The following TSPAN5 variants were observed in gnomAD, a reference collection of about 807,000 sequenced individuals.
TSPAN5 encodes tetraspanin-5.
In TSPAN5, 10 loss-of-function variants were observed where a neutral mutation model predicts 37.1. That is an observed-to-expected ratio of 0.27 (90% CI 0.17 to 0.46). The LOEUF (loss-of-function observed/expected upper bound fraction) is 0.46. TSPAN5 is among the 20% of genes least tolerant of loss of function. TSPAN5 has a pLI of 1.00. For missense variants in TSPAN5, 195 were observed against 326.6 expected (o/e 0.60, Z 3.11); for synonymous variants, 110 against 118.9 (o/e 0.93, Z 0.48).
intron 1 of TSPAN5, among the ~76,000 whole-genome samples, chr4:98,510,675 A>G (rs1243383373): frequency 1.3e-5 from 2 of 152,208 alleles, no homozygotes; most frequent in Non-Finnish European, 2.9e-5. Context: ...CTCACAGACA[A>G]TTTCCTTTAT....
At chr4:98,615,126 C>CAGCCATG (rs143453489) in intron 1 of TSPAN5, among the ~76,000 whole-genome samples, 2,271 of 152,274 alleles carry the variant, frequency 0.015, 42 homozygotes, top group African/African-American at 0.053. Flanking sequence ...CTGTGTGGCC[C>CAGCCATG]AGCCACAGTT....
chr4:98,559,250 T>A (rs1754825255), intron 1 of TSPAN5, among the ~76,000 whole-genome samples: 1 of 152,230 alleles, frequency 6.6e-6, no homozygotes, highest in Admixed American at 6.5e-5. Context: ...TCCTTTCCAG[T>A]ATTTCAAATT....
At chr4:98,645,534 C>T (rs190740850) in intron 1 of TSPAN5, among the ~76,000 whole-genome samples, 1 of 152,282 alleles carries the variant, frequency 6.6e-6, no homozygotes, top group Non-Finnish European at 1.5e-5. Context: ...AACAACATAT[C>T]CCATGCCACT....
rs1421769805 is a variant in TSPAN5, at chr4:98,472,312, G to A, written c.*210C>T. The A allele has an allele frequency of 3.6e-5, 16 of 444,316 alleles. No individual in the cohort carries two copies. Among genetic ancestry groups the A allele is most frequent in the Admixed American group, 8.2e-5 (2 of 24,262 alleles). 27.5% of individuals were successfully genotyped at this position (444,316 alleles called of 1,614,324 possible). ...CATGGCTACAGTAGAGATTCACGGC[G>A]CAACGACTTTCATACTGGTTATTTT... is the stretch of plus-strand genomic sequence containing the variant. On this transcript the variant is annotated 3_prime_UTR_variant, in exon 8 of 8. Coordinates refer to ENST00000305798, the MANE Select transcript of TSPAN5 (RefSeq NM_005723.4).
chr4:98,627,735 T>G (rs1362045111), intron 1 of TSPAN5, among the ~76,000 whole-genome samples: 6 of 152,176 alleles, frequency 3.9e-5, no homozygotes, highest in African/African-American at 1.4e-4. Context: ...CCCTACAGAG[T>G]AGAAGCTTGA....
At chr4:98,487,617 G>C (rs150109203) in intron 2 of TSPAN5, among the ~76,000 whole-genome samples, 1 of 152,124 alleles carries the variant, frequency 6.6e-6, no homozygotes, top group Non-Finnish European at 1.5e-5. Flanking sequence ...AGCTCCATGG[G>C]AGACCTTTAT....
At chr4:98,546,365 A>G (rs1441856155) in intron 1 of TSPAN5, among the ~76,000 whole-genome samples, 1 of 152,236 alleles carries the variant, frequency 6.6e-6, no homozygotes, top group African/African-American at 2.4e-5. Context: ...ACAGTGATAG[A>G]AAGGACGGAT....
chr4:98,644,986 T>C (rs1757031555), intron 1 of TSPAN5, among the ~76,000 whole-genome samples: 1 of 152,260 alleles, frequency 6.6e-6, no homozygotes, highest in Non-Finnish European at 1.5e-5. Flanking sequence ...TTTCAGTTTA[T>C]AAATGCATGC....
At chr4:98,543,649 A>G (rs1754409707) in intron 1 of TSPAN5, among the ~76,000 whole-genome samples, 1 of 151,692 alleles carries the variant, frequency 6.6e-6, no homozygotes, top group Non-Finnish European at 1.5e-5. Context: ...TGAACTCCTG[A>G]CCTCAAGTGA....
At chr4:98,578,004 G>A (rs1255088263) in intron 1 of TSPAN5, among the ~76,000 whole-genome samples, 1 of 152,224 alleles carries the variant, frequency 6.6e-6, no homozygotes. Flanking sequence ...CCTTAAATCT[G>A]TGTGAGTTGG....
At chr4:98,565,174 A>G (rs1754974295) in intron 1 of TSPAN5, among the ~76,000 whole-genome samples, 2 of 152,176 alleles carry the variant, frequency 1.3e-5, no homozygotes, top group African/African-American at 2.4e-5. Flanking sequence ...TATTTGCATG[A>G]GTAGATAGAG....
chr4:98,634,154 T>C (rs977304572), intron 1 of TSPAN5, among the ~76,000 whole-genome samples: 5 of 152,170 alleles, frequency 3.3e-5, no homozygotes, highest in Admixed American at 3.3e-4. Flanking sequence ...TATGTTTATA[T>C]CATACTCTCC....
At chr4:98,493,392 A>G (rs912822111) in intron 2 of TSPAN5, among the ~76,000 whole-genome samples, 5 of 152,216 alleles carry the variant, frequency 3.3e-5, no homozygotes, top group Admixed American at 2.6e-4. Context: ...ATCAGAAAAT[A>G]TCCCATGAAG....
chr4:98,658,231 T>G lies in TSPAN5; in HGVS notation c.-5A>C, dbSNP rs1757333640. On this transcript the variant is annotated 5_prime_UTR_variant, in exon 1 of 8. Coordinates refer to ENST00000305798, the MANE Select transcript of TSPAN5 (RefSeq NM_005723.4). ...CTTGTAGTGCTTCCCGGACATCCTC[T>G]GGGTTCATGAAGACACTTGCCCCGG... The G allele has an allele frequency of 2.5e-6, 4 of 1,613,324 alleles. No homozygotes were observed. The highest frequency in any genetic ancestry group is 3.4e-6 in the Non-Finnish European group (4 of 1,179,274).
chr4:98,636,831 A>G (rs59774034), intron 1 of TSPAN5, among the ~76,000 whole-genome samples: 134 of 152,356 alleles, frequency 8.8e-4, no homozygotes, highest in African/African-American at 3.1e-3. Context: ...ATTCTTTAAC[A>G]TAAGTGAACA....
intron 2 of TSPAN5, among the ~76,000 whole-genome samples, chr4:98,497,411 A>C (rs546470511): frequency 6.6e-6 from 1 of 151,738 alleles, no homozygotes; most frequent in Admixed American, 6.6e-5. Context: ...CTGCAAACCG[A>C]GGGCCCTCGC....
chr4:98,630,946 C>A (rs1242382440), intron 1 of TSPAN5, among the ~76,000 whole-genome samples: 1 of 152,138 alleles, frequency 6.6e-6, no homozygotes, highest in Non-Finnish European at 1.5e-5. Flanking sequence ...CTTTCTTTTG[C>A]TCACTGGCTG....
At chr4:98,493,327 G>A (rs1753125970) in intron 2 of TSPAN5, among the ~76,000 whole-genome samples, 1 of 152,198 alleles carries the variant, frequency 6.6e-6, no homozygotes, top group Non-Finnish European at 1.5e-5. Flanking sequence ...AATCCTACAA[G>A]CATAGCAAGC....
intron 1 of TSPAN5, among the ~76,000 whole-genome samples, chr4:98,605,912 A>G (rs531268432): frequency 6.6e-6 from 1 of 152,328 alleles, no homozygotes; most frequent in African/African-American, 2.4e-5. Context: ...GTCCCCACAC[A>G]ACCCTGCCTC....
Sources: gnomAD v4.1 joint callset for allele counts (sites outside exome capture counted in the v4.1 genomes callset) on GRCh38, gnomAD v4.1.1 for gene constraint, MANE v1.5 for transcripts, NCBI Gene and HGNC (gene_info 2026-07-23, HGNC 2026-07-21) for gene names.